Variants in ASTN2 observed in about 807,000 individuals in gnomAD.
The protein encoded by ASTN2 is astrotactin-2.
ASTN2 carries 54 observed loss-of-function variants against 139.8 expected under a neutral mutation model. The observed-to-expected ratio is 0.39, with a 90% CI of 0.31 to 0.48. ASTN2 has a LOEUF of 0.48. Among genes scored for constraint, ASTN2 ranks in the 20% least tolerant of loss-of-function variants. The pLI is 0.95. For missense variants in ASTN2, 1,565 were observed against 1,725.1 expected, an observed-to-expected ratio of 0.91 and a Z score of 1.64; for synonymous variants, 756 against 719.5, an observed-to-expected ratio of 1.05 and a Z score of -0.81.
At chr9:117,015,787 A>G (rs2132601997) in intron 6 of ASTN2, among the ~76,000 whole-genome samples, 1 of 152,260 alleles carries the variant, frequency 6.6e-6, no homozygotes, top group Admixed American at 6.5e-5. Context: ...CATGCTCTGA[A>G]GAAGATAGCA....
At chr9:116,615,341 G>C (rs1168169574) in intron 19 of ASTN2, among the ~76,000 whole-genome samples, 3 of 152,134 alleles carry the variant, frequency 2.0e-5, no homozygotes, top group Admixed American at 6.5e-5. Flanking sequence ...TCTAGAACTA[G>C]AAATACCATT....
At chr9:116,591,172 G>GGAGCTCCCTGACT (rs1402145715) in intron 19 of ASTN2, among the ~76,000 whole-genome samples, 2 of 152,144 alleles carry the variant, frequency 1.3e-5, no homozygotes, top group African/African-American at 4.8e-5. Context: ...CTCAGACCTA[G>GGAGCTCCCTGACT]GAGCTCCCTG....
chr9:116,907,800 C>T (rs1461889293), intron 10 of ASTN2, among the ~76,000 whole-genome samples: 1 of 152,134 alleles, frequency 6.6e-6, no homozygotes, highest in Non-Finnish European at 1.5e-5. Flanking sequence ...AGGTAAGGTG[C>T]TGCAGGAAAA....
chr9:116,620,284 A>G lies in ASTN2; in HGVS notation c.3206+26T>C, dbSNP rs1856067500. 3 of 1,613,882 alleles carry G rather than the reference A, an allele frequency of 1.9e-6. No individual in the cohort carries two copies. In the South Asian group the frequency reaches 3.3e-5, roughly 18 times the overall value. On this transcript the variant is annotated intron_variant, in intron 18 of 22. Coordinates refer to ENST00000313400, the MANE Select transcript of ASTN2 (RefSeq NM_001365068.1). ...GTGAGTCCACGAAAAGGGATGGCCA[A>G]AGGAAAAGGGGCCATACATACGTAC...
At chr9:117,162,337 C>T (rs1366501562) in intron 3 of ASTN2, among the ~76,000 whole-genome samples, 3 of 151,882 alleles carry the variant, frequency 2.0e-5, no homozygotes, top group Non-Finnish European at 2.9e-5. Context: ...CACTTGTGGT[C>T]CCTGGCCAGT....
chr9:116,491,021 G>C (rs1377415738), intron 19 of ASTN2, among the ~76,000 whole-genome samples: 1 of 152,212 alleles, frequency 6.6e-6, no homozygotes, highest in Non-Finnish European at 1.5e-5. Flanking sequence ...CCATAAACAT[G>C]TCAGGTCAGT....
chr9:116,805,218 A>G (rs576571460), intron 13 of ASTN2, among the ~76,000 whole-genome samples: 2 of 152,126 alleles, frequency 1.3e-5, no homozygotes, highest in South Asian at 4.2e-4. Context: ...TGTTAATTCT[A>G]GGTATTTCTG....
At chr9:117,073,026 C>G (rs1046783140) in intron 5 of ASTN2, among the ~76,000 whole-genome samples, 1 of 151,928 alleles carries the variant, frequency 6.6e-6, no homozygotes, top group South Asian at 2.1e-4. Context: ...GGATGGAGAA[C>G]AAAAAGACAG....
chr9:116,791,171 A>G (rs1014157024), intron 13 of ASTN2, among the ~76,000 whole-genome samples: 11 of 152,328 alleles, frequency 7.2e-5, no homozygotes, highest in Admixed American at 3.9e-4. Context: ...CCAGAGATTT[A>G]TAAGACCTGA....
At chr9:116,426,819 G>A (rs1229508716) in intron 22 of ASTN2, among the ~76,000 whole-genome samples, 1 of 152,058 alleles carries the variant, frequency 6.6e-6, no homozygotes, top group Non-Finnish European at 1.5e-5. Context: ...TTAAAAAAGT[G>A]ATGATGGTCT....
At chr9:116,537,147 C>T (rs990226954) in intron 19 of ASTN2, among the ~76,000 whole-genome samples, 10 of 152,240 alleles carry the variant, frequency 6.6e-5, no homozygotes, top group African/African-American at 2.4e-4. Flanking sequence ...GCATGAGACC[C>T]TCCGAGCCAC....
intron 14 of ASTN2, among the ~76,000 whole-genome samples, chr9:116,731,157 T>C (rs1352105910): frequency 6.7e-6 from 1 of 149,806 alleles, no homozygotes; most frequent in Non-Finnish European, 1.5e-5. Flanking sequence ...AGCTATGTGA[T>C]GGAGGGAGGA....
intron 11 of ASTN2, among the ~76,000 whole-genome samples, chr9:116,861,212 G>C (rs6478260): frequency 0.87 from 129,073 of 148,764 alleles, 55,742 homozygotes; most frequent in East Asian, 0.94. Flanking sequence ...ACAAGCCCAA[G>C]CTACACACAC....
rs371069074 is a variant in ASTN2 at position 116,442,502 on chromosome 9, C to T, written c.3549G>A (p.Thr1183=). ...DTRGRHSELS[T]VTLRTACPLV... The stretch of plus-strand genomic sequence containing the variant: ...GTGGACAGGCCGTCCTCAGGGTCAC[C>T]GTGCTTAGCTCTGAGTGCCTCCCTC... The change falls in exon 21 of 23, where the codon ACG becomes ACA. Residue 1183 remains threonine (T), a synonymous_variant. Transcript: ENST00000313400. The T allele has an allele frequency of 1.5e-5, 24 of 1,613,972 alleles. No homozygotes were observed. The highest frequency in any genetic ancestry group is 7.7e-5 in the South Asian group (7 of 91,072).
At chr9:117,188,426 G>A (rs1338352261) in intron 3 of ASTN2, among the ~76,000 whole-genome samples, 1 of 152,136 alleles carries the variant, frequency 6.6e-6, no homozygotes, top group African/African-American at 2.4e-5. Flanking sequence ...GGGGTGGGGT[G>A]GAGGAGAGTG....
chr9:116,515,945 T>A (rs991502477), intron 19 of ASTN2, among the ~76,000 whole-genome samples: 1 of 152,236 alleles, frequency 6.6e-6, no homozygotes, highest in Non-Finnish European at 1.5e-5. Flanking sequence ...GAGTTACTAA[T>A]TCATTAGACC....
chr9:117,225,535 GTATATATATA>G lies in ASTN2; in HGVS notation c.631-10803_631-10794del, dbSNP rs58184768. ...CAAGACCAGCCTGGCCAAGCTGTAT[GTATATATATA>G]TATATATATATATATATATATATAT... On this transcript the variant is annotated intron_variant, in intron 2 of 22. Coordinates refer to ENST00000313400, the MANE Select transcript of ASTN2 (RefSeq NM_001365068.1). 7.7e-3 allele frequency among the ~76,000 whole-genome samples: 490 copies of G among 63,960 alleles called. 40 individuals carry two copies. The highest frequency in any genetic ancestry group is 0.025 in the Middle Eastern group (3 of 118). The allele number at this position is 63,960 out of a possible 152,430, so 42.0% of individuals were successfully genotyped here.
intron 2 of ASTN2, among the ~76,000 whole-genome samples, chr9:117,255,721 G>C (rs923186860): frequency 1.3e-5 from 2 of 152,164 alleles, no homozygotes; most frequent in Non-Finnish European, 2.9e-5. Flanking sequence ...TATTTGGCTG[G>C]AACACAGAAT....
intron 19 of ASTN2, among the ~76,000 whole-genome samples, chr9:116,526,325 C>G (rs1001896047): frequency 4.6e-5 from 7 of 152,090 alleles, no homozygotes; most frequent in African/African-American, 1.7e-4. Context: ...GTAAATGTGA[C>G]AAAAGACTGG....
Sources: allele counts gnomAD v4.1 joint callset (sites outside exome capture counted in the v4.1 genomes callset), GRCh38; gene constraint gnomAD v4.1.1; transcripts MANE v1.5; gene names NCBI Gene and HGNC (gene_info 2026-07-23, HGNC 2026-07-21).